HAGH: variants seen among roughly 807,000 people sequenced by gnomAD.
HAGH encodes the protein hydroxyacylglutathione hydrolase, mitochondrial.
A neutral mutation model predicts 35.1 loss-of-function variants in HAGH; 29 were observed. The observed-to-expected ratio is 0.83, with a 90% CI of 0.62 to 1.13. The LOEUF (loss-of-function observed/expected upper bound fraction) is 1.13. Ranked by LOEUF, HAGH falls within the 50% of genes most tolerant of loss-of-function variation. The pLI, the probability that HAGH is intolerant of heterozygous loss-of-function variation, is 0.00. For synonymous variants in HAGH, 225 were observed against 176.1 expected (o/e 1.28, Z -2.20); for missense variants, 478 against 419.6 (o/e 1.14, Z -1.22).
intron 1 of HAGH, among the ~76,000 whole-genome samples, chr16:1,824,986 G>C (rs965486082): frequency 2.0e-5 from 3 of 152,196 alleles, no homozygotes; most frequent in African/African-American, 7.2e-5. Context: ...CGTCCTCCTG[G>C]AAAGGAGCTC....
chr16:1,809,247 C>A lies in HAGH; in HGVS notation c.*36G>T. 1.4e-6 allele frequency: 2 copies of A among 1,420,918 alleles called. No individual in the cohort carries two copies. Among genetic ancestry groups the A allele is most frequent in the Admixed American group, 1.8e-5 (1 of 54,448 alleles). 88.0% of individuals were successfully genotyped at this position (1,420,918 alleles called of 1,614,324 possible). On this transcript the variant is annotated 3_prime_UTR_variant, in exon 9 of 9. Coordinates refer to ENST00000397356, the MANE Select transcript of HAGH (RefSeq NM_005326.6). ...CAGGAAAGCCAGTTACCTAAAAGAG[C>A]CTAATCCCCAAATCCGCTGAAGGTG...
chr16:1,824,358 AC>A (rs1898300366), intron 1 of HAGH, among the ~76,000 whole-genome samples: 2 of 152,320 alleles, frequency 1.3e-5, no homozygotes, highest in East Asian at 3.9e-4. Context: ...ACACAAAACC[AC>A]CATCCAACTG....
rs764873140 is a variant in HAGH, at chr16:1,809,400, G to A, written c.828-18C>T. The A allele has an allele frequency of 3.1e-5, 49 of 1,595,304 alleles. 1 individual carries two copies. The East Asian group carries it at 4.0e-4, about 13-fold the overall frequency. On this transcript the variant is annotated intron_variant, in intron 8 of 8. Transcript: ENST00000397356. ...TCTTCTCCCTGCGGAGGCCAGCACC[G>A]GGCTGCAGGCTGTGCCGAGCCACGC... is the stretch of plus-strand genomic sequence containing the variant.
intron 7 of HAGH, chr16:1,810,617 CAGTT>C (rs1291456672): frequency 3.9e-5 from 6 of 153,430 alleles, no homozygotes; most frequent in African/African-American, 1.4e-4. Flanking sequence ...ACGGGGCCAA[CAGTT>C]AGCAGGAAAA....
At chr16:1,824,910 A>ACACCT (rs1898327127) in intron 1 of HAGH, among the ~76,000 whole-genome samples, 1 of 152,146 alleles carries the variant, frequency 6.6e-6, no homozygotes, top group Non-Finnish European at 1.5e-5. Context: ...CACAACAAGC[A>ACACCT]GAGTGTGGGT....
Position 1,817,261 on chromosome 16 carries a change from CAA to C in HAGH, c.550_551del (p.Leu184ValfsTer10). ...AGAACTTCCCGCAGCCAGCCACAAA[CAA>C]GGTGTCACCTGGAAACAAGGACAGC... ...EPPAVFTGDT[L>X]FVAGCGKFYE... On this transcript the variant is annotated frameshift_variant, in exon 6 of 9. Coordinates refer to ENST00000397356, the MANE Select transcript of HAGH (RefSeq NM_005326.6). LOFTEE classifies it high-confidence loss of function. 1 of 1,610,322 alleles carries C rather than the reference CAA, an allele frequency of 6.2e-7. No homozygotes were observed. Among genetic ancestry groups the C allele is most frequent in the South Asian group, 1.1e-5 (1 of 90,988 alleles).
intron 7 of HAGH, among the ~76,000 whole-genome samples, chr16:1,814,825 G>A (rs1347063435): frequency 1.3e-5 from 2 of 151,960 alleles, no homozygotes; most frequent in African/African-American, 4.8e-5. Flanking sequence ...TTGAACCCGG[G>A]AGGCAGAGCT....
At chr16:1,818,299 C>T (rs931977271) in intron 5 of HAGH, among the ~76,000 whole-genome samples, 3 of 152,182 alleles carry the variant, frequency 2.0e-5, no homozygotes, top group Non-Finnish European at 2.9e-5. Flanking sequence ...CCAGGCTCAT[C>T]CCCCAGCCCT....
At chr16:1,826,453 C>T in intron 1 of HAGH, 1 of 644,378 alleles carries the variant, frequency 1.6e-6, no homozygotes. Context: ...AGGGGCGCGG[C>T]CGGCCCAGCC....
chr16:1,809,583 A>T, intron 8 of HAGH, 171 bp downstream of exon 8: 1 of 679,670 alleles, frequency 1.5e-6, no homozygotes, highest in Non-Finnish European at 2.6e-6. Context: ...CCAAGGTGCC[A>T]GGAAAGGCCG....
In HAGH at chr16:1,816,996, T is replaced by C. The variant is rs1567256588; in HGVS notation, c.646-2A>G. On this transcript the variant is annotated splice_acceptor_variant, in intron 6 of 8. Coordinates refer to ENST00000397356, the MANE Select transcript of HAGH (RefSeq NM_005326.6). LOFTEE classifies it high-confidence loss of function. Reference sequence around the variant, plus strand: ...GTACTCGTGGCCACAGTAGACTCTCTGAGGAGAGAGGTGACAGGTGAGCTC... The same window carrying C: ...GTACTCGTGGCCACAGTAGACTCTCCGAGGAGAGAGGTGACAGGTGAGCTC... 1 of 1,601,896 alleles carries C rather than the reference T, an allele frequency of 6.2e-7. No individual in the cohort carries two copies. The highest frequency in any genetic ancestry group is 1.1e-5 in the South Asian group (1 of 90,828).
chr16:1,817,002 G>A lies in HAGH; in HGVS notation c.646-8C>T, dbSNP rs775769729. ...GTGGCCACAGTAGACTCTCTGAGGA[G>A]AGAGGTGACAGGTGAGCTCGGAAGG... On this transcript the variant is annotated splice_region_variant and splice_polypyrimidine_tract_variant and intron_variant, in intron 6 of 8. Coordinates refer to ENST00000397356, the MANE Select transcript of HAGH (RefSeq NM_005326.6). 8 of 1,591,198 alleles carry A rather than the reference G, an allele frequency of 5.0e-6. No individual in the cohort carries two copies. The African/African-American group carries it at 5.4e-5, about 11-fold the overall frequency.
intron 3 of HAGH, among the ~76,000 whole-genome samples, chr16:1,820,345 G>GCGTGGTCTGGGGTGGATTTCTTGTCCT: frequency 6.6e-6 from 1 of 151,462 alleles, no homozygotes; most frequent in East Asian, 1.9e-4. Context: ...TGGGTCTGGG[G>GCGTGGTCTGGGGTGGATTTCTTGTCCT]AGAGGCCTGG....
chr16:1,815,537 T>C (rs1189985230), intron 7 of HAGH, among the ~76,000 whole-genome samples: 2 of 151,506 alleles, frequency 1.3e-5, no homozygotes, highest in Non-Finnish European at 2.9e-5. Context: ...GACGGAGCAA[T>C]GAGATTCTGT....
chr16:1,824,039 CACT>C (rs1230710749), intron 1 of HAGH, among the ~76,000 whole-genome samples: 6 of 152,100 alleles, frequency 3.9e-5, no homozygotes, highest in Non-Finnish European at 5.9e-5. Context: ...GTGCTGCCAC[CACT>C]GACTAAGCGA....
At chr16:1,821,768 A>C (rs900983981) in intron 3 of HAGH, 1 of 152,256 alleles carries the variant, frequency 6.6e-6, no homozygotes, top group Admixed American at 6.6e-5. Context: ...CGAGTAGCTG[A>C]GATTACAGGC....
At position 1,826,630 on chromosome 16, in the gene HAGH, C is replaced by A. The variant is rs970653530; in HGVS notation, c.76+82G>T. The A allele has an allele frequency of 1.1e-5, 11 of 970,578 alleles. No homozygotes were observed. The African/African-American group carries it at 1.6e-4, about 14-fold the overall frequency. 60.1% of individuals were successfully genotyped at this position (970,578 alleles called of 1,614,324 possible). A position where few individuals can be genotyped will look rare whatever the true frequency, so the allele number is the denominator to read the frequency against. ...GCGCAACAGACACCGCGTCAGCGGT[C>A]GCCAAACGACGGCCCGGCGCCGCCC... On this transcript the variant is annotated intron_variant, in intron 1 of 8. Transcript: ENST00000397356.
At chr16:1,826,100 C>T (rs1294595741) in intron 1 of HAGH, among the ~76,000 whole-genome samples, 1 of 152,232 alleles carries the variant, frequency 6.6e-6, no homozygotes. Flanking sequence ...CCCTGCAGAG[C>T]CTTGACAGCT....
At chr16:1,815,565 G>C (rs1334304428) in intron 7 of HAGH, among the ~76,000 whole-genome samples, 2 of 152,226 alleles carry the variant, frequency 1.3e-5, no homozygotes, top group African/African-American at 4.8e-5. Context: ...AAACTAGAAA[G>C]TGACCTGAGG....
Sources: allele counts gnomAD v4.1 joint callset (sites outside exome capture counted in the v4.1 genomes callset), GRCh38; gene constraint gnomAD v4.1.1; transcripts MANE v1.5; gene names NCBI Gene and HGNC (gene_info 2026-07-23, HGNC 2026-07-21).